Variants in SRPK2 observed in about 807,000 individuals in gnomAD.
The protein encoded by SRPK2 is SFRS protein kinase 2.
Under a neutral mutation model 90.8 loss-of-function variants are expected in SRPK2, and 21 were observed. The ratio of observed to expected loss-of-function variants is 0.23; its 90% CI spans 0.16 to 0.33. The LOEUF is 0.33. SRPK2 is among the 10% of genes least tolerant of loss of function. The pLI is 1.00. For missense variants in SRPK2, 620 were observed against 869.0 expected (o/e 0.71, Z 3.60); for synonymous variants, 288 against 311.1 (o/e 0.93, Z 0.78).
At chr7:105,139,756 T>C (rs752695545) in intron 11 of SRPK2, among the ~76,000 whole-genome samples, 4 of 152,230 alleles carry the variant, frequency 2.6e-5, no homozygotes, top group African/African-American at 4.8e-5. Context: ...TTGACCTGTT[T>C]TATTTAATTC....
chr7:105,165,132 GCT>G (rs551216948), intron 6 of SRPK2, among the ~76,000 whole-genome samples: 69 of 152,268 alleles, frequency 4.5e-4, no homozygotes, highest in Non-Finnish European at 6.6e-4. Context: ...GGGATACTTT[GCT>G]CTCTGTCACT....
At chr7:105,348,133 A>G (rs1456641552) in intron 2 of SRPK2, among the ~76,000 whole-genome samples, 11 of 131,962 alleles carry the variant, frequency 8.3e-5, no homozygotes, top group African/African-American at 3.2e-4. Flanking sequence ...CTGGAGTGCA[A>G]TGGCGCGATC....
chr7:105,204,897 T>C (rs2129610547), intron 2 of SRPK2: 1 of 394,116 alleles, frequency 2.5e-6, no homozygotes, highest in South Asian at 2.2e-5. Context: ...GTGTTATTGC[T>C]AGATTTCCTT....
At chr7:105,204,837 G>A in intron 2 of SRPK2, 1 of 484,174 alleles carries the variant, frequency 2.1e-6, no homozygotes, top group Non-Finnish European at 4.0e-6. Flanking sequence ...CGTTGTCAAT[G>A]AAGAGTTCAA....
chr7:105,297,694 A>AT (rs1181805244), intron 2 of SRPK2, among the ~76,000 whole-genome samples: 24 of 151,962 alleles, frequency 1.6e-4, no homozygotes, highest in African/African-American at 5.8e-4. Flanking sequence ...TCTTTGTTAC[A>AT]TTAATTACTT....
At chr7:105,357,765 A>T (rs1356129803) in intron 2 of SRPK2, among the ~76,000 whole-genome samples, 1 of 137,934 alleles carries the variant, frequency 7.2e-6, no homozygotes, top group Non-Finnish European at 1.7e-5. Flanking sequence ...AAAAACAATA[A>T]CAAAACAAAA....
At position 105,233,828 on chromosome 7, in the gene SRPK2, G is replaced by A. The variant is rs116857844; in HGVS notation, c.72-30043C>T. 3.4e-4 allele frequency among the ~76,000 whole-genome samples: 52 copies of A among 151,876 alleles called. No individual in the cohort carries two copies. The East Asian group carries it at 7.7e-3, about 23-fold the overall frequency. ...TGAGCCAATGCACTCCAGCAGCCTC[G>A]GCGACACAGCAAGACTCCGTCTCAA... On this transcript the variant is annotated intron_variant, in intron 2 of 15. Transcript: ENST00000393651.
intron 2 of SRPK2, among the ~76,000 whole-genome samples, chr7:105,211,177 C>A (rs541064785): frequency 1.3e-5 from 2 of 152,100 alleles, no homozygotes; most frequent in South Asian, 4.2e-4. Flanking sequence ...AATACACTGC[C>A]AAGTTCCTCA....
chr7:105,372,215 T>C (rs1045291948), intron 2 of SRPK2, among the ~76,000 whole-genome samples: 3 of 150,412 alleles, frequency 2.0e-5, no homozygotes, highest in African/African-American at 4.9e-5. Flanking sequence ...ATGATAATAG[T>C]CATTGCTGTT....
At chr7:105,359,058 C>G (rs1470127812) in intron 2 of SRPK2, among the ~76,000 whole-genome samples, 2 of 149,064 alleles carry the variant, frequency 1.3e-5, no homozygotes, top group African/African-American at 2.5e-5. Flanking sequence ...CCACCCCCTA[C>G]AATCCAAACA....
chr7:105,294,403 GA>G lies in SRPK2; in HGVS notation c.72-90619del, dbSNP rs537135277. ...AAACCGTCTCTTCAGAGGTTTTGGT[GA>G]AAAAAAATTCACAGTAACTGTTTGT... On this transcript the variant is annotated intron_variant, in intron 2 of 15. Coordinates refer to ENST00000393651, the MANE Select transcript of SRPK2 (RefSeq NM_182692.3). Among the ~76,000 whole-genome samples the G allele has an allele frequency of 3.4e-3, 520 of 152,080 alleles. 1 individual carries two copies. The highest frequency in any genetic ancestry group is 5.1e-3 in the Non-Finnish European group (345 of 67,960).
chr7:105,135,121 C>T (rs1242837983), intron 11 of SRPK2, among the ~76,000 whole-genome samples: 4 of 152,050 alleles, frequency 2.6e-5, no homozygotes, highest in Non-Finnish European at 5.9e-5. Context: ...ATGAATGCCC[C>T]GTATGTCATT....
At chr7:105,358,842 A>C (rs1024675946) in intron 2 of SRPK2, among the ~76,000 whole-genome samples, 1 of 152,138 alleles carries the variant, frequency 6.6e-6, no homozygotes, top group African/African-American at 2.4e-5. Context: ...TGCAGGCTGT[A>C]CAACAAGCAT....
chr7:105,211,799 CTACT>C (rs1265959379), intron 2 of SRPK2, among the ~76,000 whole-genome samples: 1 of 152,222 alleles, frequency 6.6e-6, no homozygotes, highest in Non-Finnish European at 1.5e-5. Context: ...AAGCCAAATA[CTACT>C]TACTTATTTC....
At chr7:105,328,881 A>T (rs1813930246) in intron 2 of SRPK2, among the ~76,000 whole-genome samples, 2 of 151,654 alleles carry the variant, frequency 1.3e-5, no homozygotes. Context: ...AAAAAAAAAA[A>T]AAATTTAATA....
At chr7:105,218,987 A>G (rs868039694) in intron 2 of SRPK2, among the ~76,000 whole-genome samples, 2 of 152,192 alleles carry the variant, frequency 1.3e-5, no homozygotes, top group Non-Finnish European at 2.9e-5. Flanking sequence ...TAGAAAGAAC[A>G]TAAGCAGCTA....
At chr7:105,144,535 C>T (rs1804269245) in intron 9 of SRPK2, among the ~76,000 whole-genome samples, 1 of 151,970 alleles carries the variant, frequency 6.6e-6, no homozygotes, top group African/African-American at 2.4e-5. Context: ...GTCACCACAC[C>T]CAGTATCTAA....
intron 2 of SRPK2, among the ~76,000 whole-genome samples, chr7:105,249,122 T>C (rs926354257): frequency 6.6e-6 from 1 of 152,172 alleles, no homozygotes; most frequent in Non-Finnish European, 1.5e-5. Flanking sequence ...GAGCACATCC[T>C]GTTTCACACA....
intron 2 of SRPK2, among the ~76,000 whole-genome samples, chr7:105,385,059 G>A (rs6952386): frequency 0.63 from 94,489 of 150,238 alleles, 30,275 homozygotes; most frequent in South Asian, 0.76. Context: ...TTTTTAGTAG[G>A]GACGGGGTTT....
Sources: allele counts gnomAD v4.1 joint callset (sites outside exome capture counted in the v4.1 genomes callset), GRCh38; gene constraint gnomAD v4.1.1; transcripts MANE v1.5; gene names NCBI Gene and HGNC (gene_info 2026-07-23, HGNC 2026-07-21).